The following SLC25A21 variants were observed in gnomAD, a reference collection of about 807,000 sequenced individuals.
The protein encoded by SLC25A21 is solute carrier family 25 member 21.
SLC25A21 carries 47 observed loss-of-function variants against 43.8 expected under a neutral mutation model. The observed-to-expected ratio is 1.07, with a 90% CI of 0.85 to 1.37. SLC25A21 has a LOEUF of 1.37. SLC25A21 is among the 40% of genes most tolerant of loss of function. The pLI, the probability that SLC25A21 is intolerant of heterozygous loss-of-function variation, is 0.00. For missense variants in SLC25A21, 352 were observed against 350.2 expected (o/e 1.00, Z -0.04); for synonymous variants, 131 against 121.3 (o/e 1.08, Z -0.52).
intron 1 of SLC25A21, among the ~76,000 whole-genome samples, chr14:37,120,635 C>G (rs912557850): frequency 2.0e-5 from 3 of 152,120 alleles, no homozygotes; most frequent in African/African-American, 7.2e-5. Flanking sequence ...CCAAAAGACA[C>G]TGCGCACTAC....
intron 1 of SLC25A21, among the ~76,000 whole-genome samples, chr14:36,886,607 T>A (rs937783055): frequency 6.6e-6 from 1 of 152,100 alleles, no homozygotes; most frequent in Non-Finnish European, 1.5e-5. Context: ...GGTCTAGAAA[T>A]CACGGTAAAT....
chr14:36,790,936 C>A (rs1887463012), intron 3 of SLC25A21, among the ~76,000 whole-genome samples: 1 of 152,040 alleles, frequency 6.6e-6, no homozygotes, highest in Admixed American at 6.6e-5. Flanking sequence ...TGGCATATAT[C>A]AATTTTCATT....
intron 3 of SLC25A21, among the ~76,000 whole-genome samples, chr14:36,811,308 A>G (rs1271975502): frequency 6.6e-6 from 1 of 152,216 alleles, no homozygotes; most frequent in Non-Finnish European, 1.5e-5. Context: ...ATGGAGAATC[A>G]AAATGGAAAA....
chr14:36,942,151 T>TAA (rs539020842), intron 1 of SLC25A21, among the ~76,000 whole-genome samples: 1 of 147,210 alleles, frequency 6.8e-6, no homozygotes, highest in Non-Finnish European at 1.5e-5. Context: ...GAGTTTGAAC[T>TAA]AAAAAAAAAA....
chr14:36,692,893 C>T (rs1882851152), intron 7 of SLC25A21, among the ~76,000 whole-genome samples: 1 of 152,202 alleles, frequency 6.6e-6, no homozygotes, highest in South Asian at 2.1e-4. Context: ...CCCTTTAATT[C>T]CTCCTGGTAC....
chr14:36,858,334 A>C (rs1452142941), intron 2 of SLC25A21, among the ~76,000 whole-genome samples: 2 of 152,174 alleles, frequency 1.3e-5, no homozygotes, highest in Non-Finnish European at 2.9e-5. Context: ...AGTTGAGAGA[A>C]AGAGATAAAT....
At chr14:36,963,251 T>C (rs1338452793) in intron 1 of SLC25A21, among the ~76,000 whole-genome samples, 1 of 152,152 alleles carries the variant, frequency 6.6e-6, no homozygotes, top group African/African-American at 2.4e-5. Context: ...TTATTGTATT[T>C]TTTAAATTTC....
chr14:36,922,549 T>G (rs934286688), intron 1 of SLC25A21, among the ~76,000 whole-genome samples: 5 of 151,998 alleles, frequency 3.3e-5, no homozygotes, highest in Admixed American at 1.3e-4. Flanking sequence ...CTTTTTTTTT[T>G]TTGTTAAATT....
At chr14:36,919,370 A>G (rs1317545172) in intron 1 of SLC25A21, among the ~76,000 whole-genome samples, 1 of 152,014 alleles carries the variant, frequency 6.6e-6, no homozygotes. Flanking sequence ...TATCTTTAGG[A>G]GCAATGAGTG....
At chr14:36,731,954 T>G (rs1884843902) in intron 4 of SLC25A21, among the ~76,000 whole-genome samples, 1 of 152,144 alleles carries the variant, frequency 6.6e-6, no homozygotes, top group Non-Finnish European at 1.5e-5. Context: ...GGTGGTAAGC[T>G]GTGGCATCAC....
chr14:37,169,165 C>T (rs1343679226), intron 1 of SLC25A21, among the ~76,000 whole-genome samples: 2 of 152,154 alleles, frequency 1.3e-5, no homozygotes, highest in East Asian at 3.9e-4. Context: ...TCAGTGCTGA[C>T]TGTGGTGCTA....
intron 3 of SLC25A21, among the ~76,000 whole-genome samples, chr14:36,742,341 T>C (rs1193273451): frequency 6.6e-6 from 1 of 152,186 alleles, no homozygotes; most frequent in Admixed American, 6.5e-5. Context: ...CCCTGGGTTA[T>C]GAGTGCACGG....
At chr14:37,146,629 G>A (rs1463950081) in intron 1 of SLC25A21, among the ~76,000 whole-genome samples, 1 of 151,962 alleles carries the variant, frequency 6.6e-6, no homozygotes, top group African/African-American at 2.4e-5. Flanking sequence ...AATAAATGAT[G>A]TCATTATTTT....
chr14:36,877,247 T>C (rs1348174723), intron 1 of SLC25A21, among the ~76,000 whole-genome samples: 1 of 152,140 alleles, frequency 6.6e-6, no homozygotes, highest in Non-Finnish European at 1.5e-5. Context: ...CTCAAAAAGT[T>C]TACCAAAAGA....
chr14:36,920,625 C>T (rs9635194), intron 1 of SLC25A21, among the ~76,000 whole-genome samples: 11,264 of 152,032 alleles, frequency 0.074, 643 homozygotes, highest in East Asian at 0.2. Context: ...TATAGTGATG[C>T]TACTCTGAAT....
At chr14:37,106,139 T>C (rs910847065) in intron 1 of SLC25A21, among the ~76,000 whole-genome samples, 6 of 152,042 alleles carry the variant, frequency 3.9e-5, no homozygotes, top group Admixed American at 6.6e-5. Context: ...AAATGTGTGT[T>C]TGAACAATAT....
chr14:36,867,767 A>C (rs712377), intron 2 of SLC25A21, among the ~76,000 whole-genome samples: 56,029 of 151,392 alleles, frequency 0.37, 10,613 homozygotes, highest in East Asian at 0.43. Context: ...TTTTTGCTAA[A>C]CCAGGATTAA....
intron 3 of SLC25A21, among the ~76,000 whole-genome samples, chr14:36,770,734 TCTTA>T (rs1886590448): frequency 6.6e-6 from 1 of 152,206 alleles, no homozygotes; most frequent in Non-Finnish European, 1.5e-5. Context: ...CTTATGTCTT[TCTTA>T]CTTAGGTTAC....
At chr14:36,952,221 A>T (rs1027317319) in intron 1 of SLC25A21, 3 of 153,928 alleles carry the variant, frequency 1.9e-5, no homozygotes, top group Admixed American at 6.5e-5. Flanking sequence ...ATAGAGCAAG[A>T]TTCCATCTCA....
Sources: gnomAD v4.1 joint callset for allele counts (sites outside exome capture counted in the v4.1 genomes callset) on GRCh38, gnomAD v4.1.1 for gene constraint, MANE v1.5 for transcripts, NCBI Gene and HGNC (gene_info 2026-07-23, HGNC 2026-07-21) for gene names.